C3: variants seen among roughly 807,000 people sequenced by gnomAD.
C3 encodes complement C3, also known as C3 and PZP-like alpha-2-macroglobulin domain-containing protein 1.
Under a neutral mutation model 207.9 loss-of-function variants are expected in C3, and 97 were observed. The observed-to-expected ratio is 0.47, with a 90% CI of 0.40 to 0.55. C3 has a LOEUF of 0.55. Among genes scored for constraint, C3 ranks in the 20% least tolerant of loss-of-function variants. The pLI, the probability that C3 is intolerant of heterozygous loss-of-function variation, is 0.00. For synonymous variants in C3, 848 were observed against 857.6 expected (o/e 0.99, Z 0.20); for missense variants, 1,684 against 2,171.7 (o/e 0.78, Z 4.46).
chr19:6,703,925 C>T (rs755590340), intron 17 of C3, among the ~76,000 whole-genome samples: 28 of 150,576 alleles, frequency 1.9e-4, no homozygotes, highest in Admixed American at 4.6e-4. Flanking sequence ...TCCAGCCTGG[C>T]GACAGAGCGA....
At chr19:6,692,059 C>T (rs185242413) in intron 26 of C3, among the ~76,000 whole-genome samples, 1 of 151,786 alleles carries the variant, frequency 6.6e-6, no homozygotes, top group East Asian at 1.9e-4. Context: ...ATTCCTGGGT[C>T]CTGCCCCTAG....
In C3 at chr19:6,694,528, C is replaced by A. The variant is rs749825273; in HGVS notation, c.3057G>T (p.Thr1019=). The change falls in exon 24 of 41, where the codon ACG becomes ACT. Residue 1019 remains threonine (T), a synonymous_variant. Coordinates refer to ENST00000245907, the MANE Select transcript of C3 (RefSeq NM_000064.4). ...GCGEQNMIGM[T]PTVIAVHYLD... ...GGTAATGCACAGCGATGACCGTGGG[C>A]GTCATGCCGATCATGTTCTGTTCCC... 6.2e-7 allele frequency: 1 copy of A among 1,614,004 alleles called. No individual in the cohort carries two copies. The highest frequency in any genetic ancestry group is 1.3e-5 in the African/African-American group (1 of 74,906).
chr19:6,710,511 A>AAGAGAAGAGAGAGAAAGGAG, intron 13 of C3, 128 bp downstream of exon 13: 1 of 715,318 alleles, frequency 1.4e-6, no homozygotes, highest in East Asian at 2.8e-5. Context: ...AAGGGAGAGG[A>AAGAGAAGAGAGAGAAAGGAG]AGAGAAGAGA....
In C3 at chr19:6,713,395, C is replaced by G; in HGVS notation, c.876+12G>C. Reference sequence around the variant, plus strand: ...CTGGGGCAGGGATCAAAGCGGCCTCCGTCTATGGTACCGGAATGCGCTTGA... The same window carrying G: ...CTGGGGCAGGGATCAAAGCGGCCTCGGTCTATGGTACCGGAATGCGCTTGA... On this transcript the variant is annotated intron_variant, in intron 8 of 40. Transcript: ENST00000245907. The G allele has an allele frequency of 1.9e-6, 3 of 1,613,802 alleles. No homozygotes were observed. Among genetic ancestry groups the G allele is most frequent in the Non-Finnish European group, 2.5e-6 (3 of 1,179,780 alleles).
At chr19:6,702,041 G>A in intron 19 of C3, 86 bp downstream of exon 19, 1 of 793,782 alleles carries the variant, frequency 1.3e-6, no homozygotes. Flanking sequence ...AGAAACATAG[G>A]GTTGATTGAG....
rs370766609 is a variant in C3, at chr19:6,707,861, G to T, written c.1914C>A (p.Val638=). Residue 638 remains valine (V), a synonymous_variant, in exon 15 of 41, where the codon GTC becomes GTA. Coordinates refer to ENST00000245907, the MANE Select transcript of C3 (RefSeq NM_000064.4). ...TGAAGGTCAGCCCTGCGTCGGAGAAGACACCGGCGTAATCCTTCCCACTGC... is the reference window on the plus strand; with the variant it reads ...TGAAGGTCAGCCCTGCGTCGGAGAATACACCGGCGTAATCCTTCCCACTGC... ...TPGSGKDYAG[V]FSDAGLTFTS... 7 of 1,614,014 alleles carry T rather than the reference G, an allele frequency of 4.3e-6. No individual in the cohort carries two copies. The African/African-American group carries it at 9.3e-5, about 22-fold the overall frequency.
At chr19:6,712,468 C>T (rs369532962) in intron 10 of C3, 40 bp downstream of exon 10, 17 of 1,613,928 alleles carry the variant, frequency 1.1e-5, no homozygotes, top group East Asian at 8.9e-5. Flanking sequence ...CCGGTGTCCC[C>T]GAAGGGAGGA....
intron 4 of C3, among the ~76,000 whole-genome samples, chr19:6,715,619 G>GTTTTTTTTTTTTTTTT (rs375022094): frequency 1.4e-5 from 1 of 71,308 alleles, no homozygotes; most frequent in Non-Finnish European, 3.0e-5. Flanking sequence ...TTTTTTTTTT[G>GTTTTTTTTTTTTTTTT]TTTTTTTTGT....
intron 23 of C3, among the ~76,000 whole-genome samples, chr19:6,695,099 C>T (rs987428936): frequency 2.0e-5 from 3 of 151,598 alleles, no homozygotes; most frequent in Non-Finnish European, 4.4e-5. Flanking sequence ...GGTGAAACAC[C>T]GTCTCTACTA....
At chr19:6,720,066 C>A (rs11569400) in intron 1 of C3, among the ~76,000 whole-genome samples, 11 of 29,636 alleles carry the variant, frequency 3.7e-4, no homozygotes, top group Non-Finnish European at 6.8e-4. Context: ...TCTCCAAACA[C>A]CCCCAACCGC....
intron 19 of C3, among the ~76,000 whole-genome samples, chr19:6,701,722 A>G (rs1967678305): frequency 6.6e-6 from 1 of 152,028 alleles, no homozygotes; most frequent in Non-Finnish European, 1.5e-5. Context: ...ACGGGGTTTC[A>G]CCACGTTGAC....
chr19:6,703,782 A>G (rs1389267276), intron 17 of C3, among the ~76,000 whole-genome samples: 3 of 150,358 alleles, frequency 2.0e-5, no homozygotes, highest in Admixed American at 2.0e-4. Context: ...GCCTTTAAAA[A>G]CCACCTAATA....
In C3 at chr19:6,713,972, C is replaced by G. The variant is rs369712649; in HGVS notation, c.773+20G>C. Reference sequence around the variant, plus strand: ...GGTCCCTCACCTGGCTCTTACCTGGCCCCACCCCCAGTCCCTCACCTGGCG... The same window carrying G: ...GGTCCCTCACCTGGCTCTTACCTGGGCCCACCCCCAGTCCCTCACCTGGCG... On this transcript the variant is annotated intron_variant, in intron 7 of 40. Transcript: ENST00000245907. 2.9e-5 allele frequency: 45 copies of G among 1,567,530 alleles called. No individual in the cohort carries two copies. Among genetic ancestry groups the G allele is most frequent in the Non-Finnish European group, 3.9e-5 (45 of 1,146,824 alleles).
At chr19:6,680,358 T>A in intron 35 of C3, 95 bp from the exon 36 acceptor site, 3 of 761,484 alleles carry the variant, frequency 3.9e-6, no homozygotes, top group Middle Eastern at 2.6e-4. Context: ...AACTGAAGGA[T>A]CAAGGAGGAA....
At position 6,684,574 on chromosome 19, in the gene C3, G is replaced by A. The variant is rs1917949798; in HGVS notation, c.4106C>T (p.Pro1369Leu). 2.5e-6 allele frequency: 4 copies of A among 1,613,738 alleles called. No homozygotes were observed. The highest frequency in any genetic ancestry group is 3.4e-6 in the Non-Finnish European group (4 of 1,179,602). The change falls in exon 32 of 41, where the codon CCA becomes CTA. Residue 1369 changes from proline (P) to leucine (L), a missense_variant. Pro to Leu is a moderately conservative substitution (Grantham distance 98). Around this residue, in one of 3 missense-constraint regions of C3, gnomAD observed 346 missense variants for 380.1 expected, o/e 0.91. Transcript: ENST00000245907. ...NKFDLKVTIK[P>L]APETEKRPQD... ...ATTCCTTTTACCTGTTTCCGGTGCT[G>A]GTTTTATGGTGACCTTGAGGTCGAA...
chr19:6,717,973 C>T, intron 4 of C3, 121 bp downstream of exon 4: 1 of 933,424 alleles, frequency 1.1e-6, no homozygotes, highest in Non-Finnish European at 1.8e-6. Flanking sequence ...CTGCATATCT[C>T]TTTGCCTCTG....
intron 21 of C3, 24 bp downstream of exon 21, chr19:6,697,320 T>C: frequency 6.3e-7 from 1 of 1,577,128 alleles, no homozygotes; most frequent in Non-Finnish European, 8.7e-7. Context: ...AGGACAAGGG[T>C]TTGTGGGTGC....
intron 27 of C3, 68 bp downstream of exon 27, chr19:6,690,561 A>T: frequency 1.6e-6 from 2 of 1,259,062 alleles, no homozygotes; most frequent in Admixed American, 1.7e-5. Flanking sequence ...GCAACCTCTC[A>T]CTCTCCAAGG....
intron 4 of C3, among the ~76,000 whole-genome samples, chr19:6,715,819 G>T (rs1223387238): frequency 6.6e-6 from 1 of 151,846 alleles, no homozygotes; most frequent in Non-Finnish European, 1.5e-5. Context: ...TAAAGACGGG[G>T]TTTCACCGTG....
Sources: allele counts gnomAD v4.1 joint callset (sites outside exome capture counted in the v4.1 genomes callset), GRCh38; gene constraint gnomAD v4.1.1; regional missense constraint gnomAD v4.1.1; transcripts MANE v1.5; gene names NCBI Gene and HGNC (gene_info 2026-07-23, HGNC 2026-07-21).